The following KIF25 variants were observed in gnomAD, a reference collection of about 807,000 sequenced individuals.
KIF25 encodes the protein kinesin-like protein KIF25.
Under a neutral mutation model 32.9 loss-of-function variants are expected in KIF25, and 19 were observed. The ratio of observed to expected loss-of-function variants is 0.58; its 90% confidence interval spans 0.40 to 0.85. The LOEUF (loss-of-function observed/expected upper bound fraction) is 0.85, where lower values mean the gene tolerates loss of function less well. KIF25 is among the 40% of genes least tolerant of loss of function. The probability of loss-of-function intolerance (pLI) is 0.00; values close to 1 mark genes in which losing one functional copy is unlikely to be tolerated. For synonymous variants in KIF25, 225 were observed against 213.7 expected (o/e 1.05, Z -0.46); for missense variants, 485 against 507.0 (o/e 0.96, Z 0.42).
At chr6:168,029,373 C>T (rs764344839) in intron 5 of KIF25, 119 bp from the exon 6 acceptor site, 2 of 660,702 alleles carry the variant, frequency 3.0e-6, no homozygotes, top group Admixed American at 7.6e-5. Context: ...AGTAACTTAA[C>T]TAGACAATTA....
intron 8 of KIF25, among the ~76,000 whole-genome samples, chr6:168,035,434 G>A (rs225775): frequency 0.043 from 347 of 8,114 alleles, no homozygotes; most frequent in Admixed American, 0.081. Flanking sequence ...CTGGAACGGC[G>A]CGGCGGAGGA....
At chr6:168,006,563 G>A (rs988070624) in intron 4 of KIF25, among the ~76,000 whole-genome samples, 2 of 152,140 alleles carry the variant, frequency 1.3e-5, no homozygotes, top group Non-Finnish European at 2.9e-5. Flanking sequence ...TTCTGTGTAC[G>A]TTACAAAGTC....
At chr6:168,023,576 AT>A (rs1195701219) in intron 5 of KIF25, among the ~76,000 whole-genome samples, 1 of 151,694 alleles carries the variant, frequency 6.6e-6, no homozygotes, top group Non-Finnish European at 1.5e-5. Flanking sequence ...TAATATTTGT[AT>A]TTCTAATAGA....
intron 4 of KIF25, among the ~76,000 whole-genome samples, chr6:168,017,264 T>C (rs1399153615): frequency 6.6e-6 from 1 of 152,208 alleles, no homozygotes; most frequent in African/African-American, 2.4e-5. Context: ...CGCTAAACAC[T>C]GTTATGGAAA....
At chr6:168,008,319 A>G (rs1798604647) in intron 4 of KIF25, among the ~76,000 whole-genome samples, 1 of 152,118 alleles carries the variant, frequency 6.6e-6, no homozygotes, top group Non-Finnish European at 1.5e-5. Flanking sequence ...AGTACCATTT[A>G]TTGAAGAGAC....
At chr6:168,009,813 T>A (rs1798625577) in intron 4 of KIF25, among the ~76,000 whole-genome samples, 1 of 152,144 alleles carries the variant, frequency 6.6e-6, no homozygotes, top group Admixed American at 6.5e-5. Flanking sequence ...ATTATATGTA[T>A]CCAGGAATTT....
At chr6:168,038,432 T>A in intron 8 of KIF25, 121 bp from the exon 9 acceptor site, 1 of 939,484 alleles carries the variant, frequency 1.1e-6, no homozygotes, top group Middle Eastern at 2.3e-4. Flanking sequence ...CATGCAGCCC[T>A]CTGCTCGGAC....
In KIF25 at chr6:168,000,954, C is replaced by T. The variant is rs150533013; in HGVS notation, c.-369-1589C>T. On this transcript the variant is annotated intron_variant, in intron 2 of 12. Transcript: ENST00000643607. ...GACTTGAGAAGGTCTTTAGAAAGCA[C>T]TTGGCCGGTTCTACAGTGTGAAACA... Among the ~76,000 whole-genome samples the T allele has an allele frequency of 3.3e-5, 5 of 152,364 alleles. 1 individual carries two copies. The highest frequency in any genetic ancestry group is 2.0e-4 in the Admixed American group (3 of 15,306).
chr6:168,042,564 T>A lies in KIF25; in HGVS notation c.833T>A (p.Val278Glu). 6.2e-7 allele frequency: 1 copy of A among 1,613,478 alleles called. No individual in the cohort carries two copies. The highest frequency in any genetic ancestry group is 8.5e-7 in the Non-Finnish European group (1 of 1,179,742). The change falls in exon 12 of 13, where the codon GTG (valine) becomes GAG (glutamate). Residue 278 changes from valine to glutamate, a missense_variant. Val to Glu is a moderately radical substitution (Grantham distance 121, BLOSUM62 -2). This residue lies in a region of KIF25 where 480 missense variants were observed against 470.3 expected (regional missense o/e 1.02). Transcript: ENST00000643607. Reference protein sequence around the residue: ...VDSAGSECVGVSGVTGLALRE... With the variant: ...VDSAGSECVGESGVTGLALRE... ...GGTGCGTGGCGGTCCTGTCCAGGTG[T>A]GTCTGGAGTGACCGGGTTGGCCCTG...
At position 168,040,336 on chromosome 6, in the gene KIF25, C is replaced by T. The variant is rs139065329; in HGVS notation, c.646+120C>T. On this transcript the variant is annotated intron_variant, in intron 10 of 12. Coordinates refer to ENST00000643607, the MANE Select transcript of KIF25 (RefSeq NM_030615.4). ...ATCCCAGCACTTTGGGAGACTGAGG[C>T]GGGTGGATCACCTGAGGTCAAGAGT... The T allele has an allele frequency of 4.0e-4, 395 of 995,344 alleles. 6 individuals carry two copies. In the East Asian group the frequency reaches 0.011, roughly 27 times the overall value. 61.7% of individuals were successfully genotyped at this position (995,344 alleles called of 1,614,324 possible).
chr6:168,034,534 T>G (rs1407855865), intron 8 of KIF25, among the ~76,000 whole-genome samples: 1 of 152,124 alleles, frequency 6.6e-6, no homozygotes, highest in Non-Finnish European at 1.5e-5. Flanking sequence ...GCTGGGATTA[T>G]AGGCATGAGT....
At chr6:167,999,478 T>G (rs1054758977) in intron 2 of KIF25, among the ~76,000 whole-genome samples, 158 bp downstream of exon 2, 1 of 152,184 alleles carries the variant, frequency 6.6e-6, no homozygotes, top group Non-Finnish European at 1.5e-5. Flanking sequence ...GGCGCTGTCT[T>G]GCTGACAGTG....
intron 7 of KIF25, among the ~76,000 whole-genome samples, chr6:168,032,543 T>C (rs1320642437): frequency 6.6e-6 from 1 of 152,216 alleles, no homozygotes; most frequent in Non-Finnish European, 1.5e-5. Context: ...CGGGAGCTTG[T>C]GGTTTCCAGG....
At chr6:168,042,209 T>C in intron 11 of KIF25, 58 bp downstream of exon 11, 2 of 1,480,498 alleles carry the variant, frequency 1.4e-6, no homozygotes, top group African/African-American at 1.4e-5. Context: ...TATGATCTGA[T>C]GGAGCTGGAT....
chr6:168,036,188 G>C (rs1040362136), intron 8 of KIF25: 2 of 162,662 alleles, frequency 1.2e-5, no homozygotes, highest in Non-Finnish European at 2.7e-5. Context: ...TTCTAAACCT[G>C]GTTGTTGACA....
intron 8 of KIF25, chr6:168,035,860 G>A: frequency 2.3e-6 from 1 of 440,612 alleles, no homozygotes; most frequent in South Asian, 1.6e-5. Context: ...GTCGTTTGCA[G>A]AAACGAGAAT....
intron 5 of KIF25, among the ~76,000 whole-genome samples, chr6:168,021,889 T>C (rs1798792532): frequency 6.6e-6 from 1 of 152,228 alleles, no homozygotes; most frequent in African/African-American, 2.4e-5. Flanking sequence ...AAGTTCAACG[T>C]TATCAATTTT....
At chr6:168,043,785 T>C (rs1266095104) in intron 12 of KIF25, among the ~76,000 whole-genome samples, 1 of 152,168 alleles carries the variant, frequency 6.6e-6, no homozygotes, top group Non-Finnish European at 1.5e-5. Flanking sequence ...GCCTCTGGGG[T>C]CTGCACTTTT....
At chr6:168,003,016 G>T (rs1353156121) in intron 3 of KIF25, among the ~76,000 whole-genome samples, 5 of 152,190 alleles carry the variant, frequency 3.3e-5, no homozygotes, top group African/African-American at 1.2e-4. Context: ...CCAGTGATAG[G>T]GAGCGGCTGT....
Sources: gnomAD v4.1 joint callset for allele counts (sites outside exome capture counted in the v4.1 genomes callset) on GRCh38, gnomAD v4.1.1 for gene constraint, gnomAD v4.1.1 regional missense constraint, MANE v1.5 for transcripts, NCBI Gene and HGNC (gene_info 2026-07-23, HGNC 2026-07-21) for gene names.